The following RSRC1 variants were observed in gnomAD, a reference collection of about 807,000 sequenced individuals.
RSRC1 encodes the protein serine/Arginine-related protein 53.
In RSRC1, 39 loss-of-function variants were observed where a neutral mutation model predicts 49.1. The ratio of observed to expected loss-of-function variants is 0.79; its 90% confidence interval spans 0.61 to 1.04. The LOEUF (loss-of-function observed/expected upper bound fraction) is 1.04. Ranked by LOEUF, RSRC1 falls within the 50% of genes least tolerant of loss-of-function variation. The probability of loss-of-function intolerance (pLI) is 0.00; values close to 1 mark genes in which losing one functional copy is unlikely to be tolerated. For missense variants in RSRC1, 388 were observed against 402.4 expected, an observed-to-expected ratio of 0.96 and a Z score of 0.31; for synonymous variants, 143 against 130.8, an observed-to-expected ratio of 1.09 and a Z score of -0.63.
At chr3:158,145,478 T>C (rs1717028661) in intron 3 of RSRC1, among the ~76,000 whole-genome samples, 2 of 152,214 alleles carry the variant, frequency 1.3e-5, no homozygotes, top group South Asian at 2.1e-4. Flanking sequence ...TCTGTTCTGT[T>C]CCATTGGGCT....
intron 5 of RSRC1, chr3:158,303,416 G>A (rs1490119593): frequency 6.6e-6 from 1 of 152,142 alleles, no homozygotes; most frequent in African/African-American, 2.4e-5. Flanking sequence ...CAAATAAATA[G>A]AAGTGGCTTG....
intron 7 of RSRC1, among the ~76,000 whole-genome samples, chr3:158,513,779 A>G (rs543806597): frequency 7.9e-5 from 12 of 152,246 alleles, no homozygotes; most frequent in Non-Finnish European, 1.3e-4. Context: ...GCTATTGATT[A>G]TTGCCACAAT....
intron 6 of RSRC1, among the ~76,000 whole-genome samples, chr3:158,371,313 T>C (rs532279521): frequency 4.4e-4 from 67 of 151,948 alleles, no homozygotes; most frequent in African/African-American, 1.6e-3. Flanking sequence ...CAAATGCAAA[T>C]GGTTAAGTAA....
intron 4 of RSRC1, among the ~76,000 whole-genome samples, chr3:158,277,896 C>A (rs1242949463): frequency 6.6e-6 from 1 of 152,180 alleles, no homozygotes; most frequent in African/African-American, 2.4e-5. Context: ...AAGCAATCCT[C>A]TCACTCAGCC....
At chr3:158,483,996 G>A (rs970481415) in intron 7 of RSRC1, among the ~76,000 whole-genome samples, 4 of 152,074 alleles carry the variant, frequency 2.6e-5, no homozygotes, top group Admixed American at 1.3e-4. Flanking sequence ...CTGTGCGGAC[G>A]CTAAGCTTCG....
intron 7 of RSRC1, among the ~76,000 whole-genome samples, chr3:158,518,148 A>ATTTTTTTTTTTTTTTTTTTT (rs72132266): frequency 6.8e-5 from 3 of 44,138 alleles, no homozygotes; most frequent in African/African-American, 3.1e-4. Context: ...ATATATATAT[A>ATTTTTTTTTTTTTTTTTTTT]TTTTTTTTTT....
chr3:158,396,212 A>C (rs1051892690), intron 6 of RSRC1, among the ~76,000 whole-genome samples: 6 of 152,164 alleles, frequency 3.9e-5, no homozygotes, highest in African/African-American at 1.4e-4. Flanking sequence ...GGAGGAAGGG[A>C]GGATTGAAAA....
chr3:158,174,338 GTTTA>G (rs933670823), intron 3 of RSRC1, among the ~76,000 whole-genome samples: 1 of 151,796 alleles, frequency 6.6e-6, no homozygotes, highest in Non-Finnish European at 1.5e-5. Flanking sequence ...GCTAAATGAA[GTTTA>G]TTTGTTTATT....
At chr3:158,200,785 C>G (rs1481633034) in intron 3 of RSRC1, among the ~76,000 whole-genome samples, 2 of 152,004 alleles carry the variant, frequency 1.3e-5, no homozygotes, top group African/African-American at 4.8e-5. Context: ...TTTACCTGCC[C>G]CATGCTTTAT....
chr3:158,500,493 G>A (rs898411519), intron 7 of RSRC1, among the ~76,000 whole-genome samples: 1 of 151,898 alleles, frequency 6.6e-6, no homozygotes, highest in Non-Finnish European at 1.5e-5. Flanking sequence ...CTGGTCCTGG[G>A]CTTTTTTTTG....
At chr3:158,503,742 C>T (rs1052489730) in intron 7 of RSRC1, among the ~76,000 whole-genome samples, 4 of 151,978 alleles carry the variant, frequency 2.6e-5, no homozygotes, top group Admixed American at 1.3e-4. Flanking sequence ...CCGTGCCCCC[C>T]CAACAGCCCT....
At chr3:158,333,588 CAT>C (rs1046623248) in intron 5 of RSRC1, among the ~76,000 whole-genome samples, 3 of 152,128 alleles carry the variant, frequency 2.0e-5, no homozygotes, top group African/African-American at 4.8e-5. Context: ...TAGGACAAAA[CAT>C]ATTGTAAAAA....
At chr3:158,328,461 T>A (rs1395292155) in intron 5 of RSRC1, among the ~76,000 whole-genome samples, 6 of 152,206 alleles carry the variant, frequency 3.9e-5, no homozygotes, top group Non-Finnish European at 8.8e-5. Context: ...TTTGCTTGTC[T>A]GTAGAGGATT....
intron 6 of RSRC1, among the ~76,000 whole-genome samples, chr3:158,435,618 T>C (rs1736001340): frequency 6.6e-6 from 1 of 151,626 alleles, no homozygotes; most frequent in Non-Finnish European, 1.5e-5. Context: ...AGATATATAA[T>C]TTAAAGGTAT....
At chr3:158,312,555 G>A (rs1048781691) in intron 5 of RSRC1, among the ~76,000 whole-genome samples, 3 of 152,162 alleles carry the variant, frequency 2.0e-5, no homozygotes, top group Non-Finnish European at 2.9e-5. Context: ...AGAAGGAAAA[G>A]TGCAGAGTGC....
intron 3 of RSRC1, among the ~76,000 whole-genome samples, chr3:158,150,625 T>C (rs1318400600): frequency 6.6e-6 from 1 of 152,154 alleles, no homozygotes; most frequent in African/African-American, 2.4e-5. Flanking sequence ...TAGGATGATA[T>C]GTAAGAGACT....
At chr3:158,325,280 G>A (rs1236226384) in intron 5 of RSRC1, among the ~76,000 whole-genome samples, 2 of 152,206 alleles carry the variant, frequency 1.3e-5, no homozygotes, top group African/African-American at 4.8e-5. Context: ...TGCTTTTGGT[G>A]TTTCAGACAT....
chr3:158,525,052 A>G (rs1711921840), intron 7 of RSRC1, among the ~76,000 whole-genome samples: 1 of 151,980 alleles, frequency 6.6e-6, no homozygotes, highest in Admixed American at 6.6e-5. Context: ...AGCACAAACC[A>G]TTTTTTAAAA....
chr3:158,452,079 C>T (rs1279961603), intron 6 of RSRC1, among the ~76,000 whole-genome samples: 1 of 152,074 alleles, frequency 6.6e-6, no homozygotes, highest in African/African-American at 2.4e-5. Context: ...TAAATAGTGA[C>T]ATGTGCATGG....
Sources: allele counts gnomAD v4.1 joint callset (sites outside exome capture counted in the v4.1 genomes callset), GRCh38; gene constraint gnomAD v4.1.1; transcripts MANE v1.5; gene names NCBI Gene and HGNC (gene_info 2026-07-23, HGNC 2026-07-21).